The following NOC4L variants were observed in gnomAD, a reference collection of about 807,000 sequenced individuals.
NOC4L encodes the protein nucleolar complex protein 4 homolog.
NOC4L carries 40 observed loss-of-function variants against 62.8 expected under a neutral mutation model. The ratio of observed to expected loss-of-function variants is 0.64; its 90% CI spans 0.49 to 0.83. NOC4L has a LOEUF of 0.83. Among genes scored for constraint, NOC4L ranks in the 40% least tolerant of loss-of-function variants. The probability of loss-of-function intolerance (pLI) is 0.00; values close to 1 mark genes in which losing one functional copy is unlikely to be tolerated. For synonymous variants in NOC4L, 433 were observed against 299.8 expected, an observed-to-expected ratio of 1.44 and a Z score of -4.59; for missense variants, 927 against 701.9, an observed-to-expected ratio of 1.32 and a Z score of -3.62.
rs571387876 is a variant in NOC4L at position 132,148,732 on chromosome 12, C to T, written c.790-52C>T. On this transcript the variant is annotated intron_variant, in intron 8 of 14. Coordinates refer to ENST00000330579, the MANE Select transcript of NOC4L (RefSeq NM_024078.3). ...CCAGGGCGGAGGCCTCACCCCGACC[C>T]GCCGGCCCCCGCCCACCCGCCCCTC... 1.8e-4 allele frequency: 231 copies of T among 1,305,588 alleles called. 1 individual carries two copies. In the African/African-American group the frequency reaches 2.6e-3, roughly 15 times the overall value. The allele number at this position is 1,305,588 out of a possible 1,614,324, so 80.9% of individuals were successfully genotyped here.
chr12:132,151,180 GC>G, intron 10 of NOC4L, 77 bp from the exon 11 acceptor site: 1 of 1,437,092 alleles, frequency 7.0e-7, no homozygotes, highest in South Asian at 1.1e-5. Flanking sequence ...AGGAAGGGGC[GC>G]CGAGTGAGAC....
chr12:132,145,542 C>T lies in NOC4L; in HGVS notation c.239-17C>T. 3 of 1,591,962 alleles carry T rather than the reference C, an allele frequency of 1.9e-6. No homozygotes were observed. Among genetic ancestry groups the T allele is most frequent in the Non-Finnish European group, 2.6e-6 (3 of 1,162,660 alleles). On this transcript the variant is annotated splice_polypyrimidine_tract_variant and intron_variant, in intron 2 of 14. Transcript: ENST00000330579. Reference sequence around the variant, plus strand: ...ATGTGGGCCTCACGTGGGCTGACCACCCTAACCTGTCTGCAGGGTCCCAGG... The same window carrying T: ...ATGTGGGCCTCACGTGGGCTGACCATCCTAACCTGTCTGCAGGGTCCCAGG...
intron 1 of NOC4L, 120 bp downstream of exon 1, chr12:132,144,725 C>A: frequency 9.3e-7 from 1 of 1,078,494 alleles, no homozygotes; most frequent in Non-Finnish European, 1.2e-6. Context: ...GGGTGGGAGG[C>A]GTGTGGGTCA....
intron 9 of NOC4L, among the ~76,000 whole-genome samples, chr12:132,150,589 A>AACCCC: frequency 1.6e-3 from 1 of 630 alleles, no homozygotes; most frequent in African/African-American, 9.6e-3. Flanking sequence ...CGCTCATACC[A>AACCCC]CACCCCTAAT....
chr12:132,148,746 C>A, intron 8 of NOC4L, 38 bp from the exon 9 acceptor site: 4 of 433,604 alleles, frequency 9.2e-6, no homozygotes, highest in Non-Finnish European at 1.6e-5. Flanking sequence ...GGCCCCCGCC[C>A]ACCCGCCCCT....
Position 132,150,800 on chromosome 12 carries a change from C to T in NOC4L, c.902-181C>T, listed in dbSNP as rs948589014. 3 of 609,094 alleles carry T rather than the reference C, an allele frequency of 4.9e-6. No individual in the cohort carries two copies. The African/African-American group carries it at 5.5e-5, about 11-fold the overall frequency. The allele number at this position is 609,094 out of a possible 1,614,324, so 37.7% of individuals were successfully genotyped here. A position where few individuals can be genotyped will look rare whatever the true frequency, so the allele number is the denominator to read the frequency against. Reference sequence around the variant, plus strand: ...ACCCCGCAGCACCTCTTCCCCGATCCCACTGCCTCCACCCCCCACTCCCCT... The same window carrying T: ...ACCCCGCAGCACCTCTTCCCCGATCTCACTGCCTCCACCCCCCACTCCCCT... On this transcript the variant is annotated intron_variant, in intron 9 of 14. Transcript: ENST00000330579.
chr12:132,144,524 G>T lies in NOC4L; in HGVS notation c.36G>T (p.Arg12=). Residue 12 remains arginine, a synonymous_variant, in exon 1 of 15, where the codon CGG becomes CGT. Coordinates refer to ENST00000330579, the MANE Select transcript of NOC4L (RefSeq NM_024078.3). ...EREPGAAGVR[R]ALGRRLEAVL... is the part of the protein sequence containing the mutation. ...AGCCGGGCGCCGCGGGAGTTCGCCG[G>T]GCTCTGGGCCGCCGGCTGGAGGCGG... is the stretch of plus-strand genomic sequence containing the variant. 1 of 1,517,362 alleles carries T rather than the reference G, an allele frequency of 6.6e-7. No homozygotes were observed. Among genetic ancestry groups the T allele is most frequent in the African/African-American group, 1.4e-5 (1 of 69,826 alleles). The allele number at this position is 1,517,362 out of a possible 1,614,324, so 94.0% of individuals were successfully genotyped here.
At chr12:132,147,455 G>A (rs1480480386) in intron 4 of NOC4L, 67 bp downstream of exon 4, 1 of 1,474,410 alleles carries the variant, frequency 6.8e-7, no homozygotes, top group African/African-American at 1.4e-5. Context: ...TGGCCCCGTA[G>A]TGGGGGCGGG....
chr12:132,151,047 T>C lies in NOC4L; in HGVS notation c.962+6T>C, dbSNP rs773309570. ...TTGATTCACAAACACAACCTGTGAG[T>C]GTCACCAGGGGTGCAGGTCTTCTTC... On this transcript the variant is annotated splice_donor_region_variant and intron_variant, in intron 10 of 14. Coordinates refer to ENST00000330579, the MANE Select transcript of NOC4L (RefSeq NM_024078.3). 9 of 1,609,520 alleles carry C rather than the reference T, an allele frequency of 5.6e-6. No homozygotes were observed. Among genetic ancestry groups the C allele is most frequent in the Non-Finnish European group, 6.8e-6 (8 of 1,178,024 alleles).
At chr12:132,148,211 C>T in intron 7 of NOC4L, 105 bp downstream of exon 7, 2 of 1,217,862 alleles carry the variant, frequency 1.6e-6, no homozygotes, top group Non-Finnish European at 2.4e-6. Context: ...AGAGGAAACT[C>T]CCAGGGTACA....
chr12:132,151,820 G>C lies in NOC4L; in HGVS notation c.1317G>C (p.Gln439His). Reference sequence around the variant, plus strand: ...TGGAGAGCTCCCTGTGGGAGCTTCAGGTGAGGGCGCTGCTGCCACACCCTG... The same window carrying C: ...TGGAGAGCTCCCTGTGGGAGCTTCACGTGAGGGCGCTGCTGCCACACCCTG... ...RALESSLWEL[Q>H]ALQRHYHPEV... Residue 439 changes from glutamine (Q) to histidine (H), a missense_variant and splice_region_variant, in exon 13 of 15, where the codon CAG becomes CAC. Transcript: ENST00000330579. The C allele has an allele frequency of 1.2e-6, 2 of 1,610,968 alleles. No individual in the cohort carries two copies. The highest frequency in any genetic ancestry group is 1.7e-6 in the Non-Finnish European group (2 of 1,179,236).
At chr12:132,148,735 C>CCCCCGGGGGGGGGGGGGGGG in intron 8 of NOC4L, 49 bp from the exon 9 acceptor site, 5 of 1,309,254 alleles carry the variant, frequency 3.8e-6, no homozygotes, top group East Asian at 2.8e-5. Flanking sequence ...CCCGACCCGC[C>CCCCCGGGGGGGGGGGGGGGG]GGCCCCCGCC....
Position 132,152,116 on chromosome 12 carries a change from C to G in NOC4L, c.1350C>G (p.Ser450=). The change falls in exon 14 of 15, where the codon TCC becomes TCG. Residue 450 remains serine (S), a synonymous_variant. Transcript: ENST00000330579. ...ALQRHYHPEV[S]KAASVINQAL... ...AGCGCCACTACCACCCTGAGGTGTC[C>G]AAAGCCGCCAGCGTCATCAACCAGG... The G allele has an allele frequency of 6.2e-7, 1 of 1,612,286 alleles. No homozygotes were observed. Among genetic ancestry groups the G allele is most frequent in the African/African-American group, 1.3e-5 (1 of 75,052 alleles).
At position 132,148,737 on chromosome 12, in the gene NOC4L, G is replaced by A. The variant is rs1016053139; in HGVS notation, c.790-47G>A. ...GCGGAGGCCTCACCCCGACCCGCCG[G>A]CCCCCGCCCACCCGCCCCTCACCCC... On this transcript the variant is annotated intron_variant, in intron 8 of 14. Transcript: ENST00000330579. 4.2e-6 allele frequency: 5 copies of A among 1,181,138 alleles called. No individual in the cohort carries two copies. In the African/African-American group the frequency reaches 6.7e-5, roughly 16 times the overall value. The allele number at this position is 1,181,138 out of a possible 1,614,324, so 73.2% of individuals were successfully genotyped here. A position where few individuals can be genotyped will look rare whatever the true frequency, so the allele number is the denominator to read the frequency against.
In NOC4L at chr12:132,152,074, A is replaced by G. The variant is rs774360608; in HGVS notation, c.1318-10A>G. ...GGGGCAGCTGCCTCTTAACGGCCCTACTGCCCCAGGCCCTCCAGCGCCACT... is the reference window on the plus strand; with the variant it reads ...GGGGCAGCTGCCTCTTAACGGCCCTGCTGCCCCAGGCCCTCCAGCGCCACT... On this transcript the variant is annotated splice_polypyrimidine_tract_variant and intron_variant, in intron 13 of 14. Transcript: ENST00000330579. The G allele has an allele frequency of 1.9e-6, 3 of 1,604,788 alleles. No homozygotes were observed. Among genetic ancestry groups the G allele is most frequent in the African/African-American group, 1.3e-5 (1 of 74,646 alleles).
In NOC4L at chr12:132,148,085, C is replaced by G. The variant is rs977161468; in HGVS notation, c.717C>G (p.Thr239=). ...CTTTCCCTGCAGAGCTGTGGGACAC[C>G]TGGAAGGTTGCTCACCTGAAGGTGA... is the stretch of plus-strand genomic sequence containing the variant. ...FYVKRAELWD[T]WKVAHLKEHR... The change falls in exon 7 of 15, where the codon ACC becomes ACG. Residue 239 remains threonine, a synonymous_variant. Coordinates refer to ENST00000330579, the MANE Select transcript of NOC4L (RefSeq NM_024078.3). The G allele has an allele frequency of 6.2e-7, 1 of 1,613,494 alleles. No individual in the cohort carries two copies. The highest frequency in any genetic ancestry group is 8.5e-7 in the Non-Finnish European group (1 of 1,179,978).
chr12:132,148,698 G>T (rs749213399), intron 8 of NOC4L, 39 bp downstream of exon 8: 2 of 1,532,036 alleles, frequency 1.3e-6, no homozygotes, highest in Non-Finnish European at 1.8e-6. Flanking sequence ...GGCGGCATCC[G>T]GGTCTCCCCC....
chr12:132,147,281 G>C lies in NOC4L; in HGVS notation c.346G>C (p.Glu116Gln). 1 of 1,537,174 alleles carries C rather than the reference G, an allele frequency of 6.5e-7. No homozygotes were observed. The highest frequency in any genetic ancestry group is 8.8e-7 in the Non-Finnish European group (1 of 1,141,374). The change falls in exon 4 of 15, where the codon GAG becomes CAG. Residue 116 changes from glutamate to glutamine, a missense_variant and splice_region_variant. Coordinates refer to ENST00000330579, the MANE Select transcript of NOC4L (RefSeq NM_024078.3). Reference sequence around the variant, plus strand: ...CCACCCTGCACTGCCCCCTTCCCAGGAGCTGGCCCTCAGCGCACTCCTGAA... The same window carrying C: ...CCACCCTGCACTGCCCCCTTCCCAGCAGCTGGCCCTCAGCGCACTCCTGAA... ...LLGHPSFQVK[E>Q]LALSALLKFV...
chr12:132,148,909 C>A lies in NOC4L; in HGVS notation c.901+14C>A, dbSNP rs976126018. On this transcript the variant is annotated intron_variant, in intron 9 of 14. Transcript: ENST00000330579. ...CCTGCGACCTCGGTGAGTGCCGCCGCCTCGCTCACACCACACCCCTAATCC... is the reference window on the plus strand; with the variant it reads ...CCTGCGACCTCGGTGAGTGCCGCCGACTCGCTCACACCACACCCCTAATCC... 4 of 1,198,494 alleles carry A rather than the reference C, an allele frequency of 3.3e-6. No homozygotes were observed. The highest frequency in any genetic ancestry group is 3.1e-5 in the South Asian group (2 of 65,272). 74.2% of individuals were successfully genotyped at this position (1,198,494 alleles called of 1,614,324 possible). A position where few individuals can be genotyped will look rare whatever the true frequency, so the allele number is the denominator to read the frequency against.
Sources: gnomAD v4.1 joint callset for allele counts (sites outside exome capture counted in the v4.1 genomes callset) on GRCh38, gnomAD v4.1.1 for gene constraint, MANE v1.5 for transcripts, NCBI Gene and HGNC (gene_info 2026-07-23, HGNC 2026-07-21) for gene names.